The following HDAC4 variants were observed in gnomAD, a reference collection of about 807,000 sequenced individuals.
The protein encoded by HDAC4 is histone deacetylase 4.
HDAC4 carries 16 observed loss-of-function variants against 135.1 expected under a neutral mutation model. The observed-to-expected ratio is 0.12, with a 90% CI of 0.08 to 0.18. HDAC4 has a LOEUF of 0.18. HDAC4 is among the 10% of genes least tolerant of loss of function. The pLI, the probability that HDAC4 is intolerant of heterozygous loss-of-function variation, is 1.00. For synonymous variants in HDAC4, 685 were observed against 653.4 expected, an observed-to-expected ratio of 1.05 and a Z score of -0.74; for missense variants, 1,143 against 1,511.8, an observed-to-expected ratio of 0.76 and a Z score of 4.05.
intron 6 of HDAC4, chr2:239,162,053 C>T (rs1032264964): frequency 5.4e-5 from 24 of 448,426 alleles, no homozygotes; most frequent in African/African-American, 2.0e-4. Context: ...CGCCAGCTCC[C>T]CACCTTCTTC....
chr2:239,098,858 C>T (rs2037357276), intron 16 of HDAC4, among the ~76,000 whole-genome samples: 1 of 152,142 alleles, frequency 6.6e-6, no homozygotes, highest in Non-Finnish European at 1.5e-5. Flanking sequence ...ATTCAAAAAT[C>T]GATCTTGAGT....
chr2:239,135,787 T>C (rs147758719), intron 9 of HDAC4, among the ~76,000 whole-genome samples: 24 of 152,314 alleles, frequency 1.6e-4, no homozygotes, highest in East Asian at 7.7e-4. Context: ...CGGAGGGGCA[T>C]TGCACACCGG....
At chr2:239,261,190 C>T (rs1414603573) in intron 2 of HDAC4, among the ~76,000 whole-genome samples, 3 of 152,154 alleles carry the variant, frequency 2.0e-5, no homozygotes, top group African/African-American at 7.2e-5. Flanking sequence ...GCCCAGCTGG[C>T]CCATTCTGTA....
intron 1 of HDAC4, among the ~76,000 whole-genome samples, chr2:239,390,733 C>T (rs1052953880): frequency 6.6e-6 from 1 of 152,158 alleles, no homozygotes; most frequent in Non-Finnish European, 1.5e-5. Flanking sequence ...CCTCACTTTG[C>T]TACCAGGAGC....
At chr2:239,246,161 T>G (rs1434437403) in intron 2 of HDAC4, among the ~76,000 whole-genome samples, 1 of 152,106 alleles carries the variant, frequency 6.6e-6, no homozygotes, top group African/African-American at 2.4e-5. Context: ...ACGTGCAAAC[T>G]GAGCCCGCTG....
intron 2 of HDAC4, among the ~76,000 whole-genome samples, chr2:239,340,157 AC>A (rs1012810329): frequency 6.6e-6 from 1 of 152,120 alleles, no homozygotes; most frequent in African/African-American, 2.4e-5. Flanking sequence ...ACCCCAGGAC[AC>A]CCCAGCTCTT....
At chr2:239,070,188 T>TTGCCA (rs77381874) in intron 22 of HDAC4, among the ~76,000 whole-genome samples, 15,457 of 152,260 alleles carry the variant, frequency 0.1, 1,003 homozygotes, top group Non-Finnish European at 0.15. Context: ...TTGCCAGCCC[T>TTGCCA]GCTGGGGGAG....
rs140369511 is a variant in HDAC4 at position 239,149,987 on chromosome 2, G to T, written c.734-5273C>A. 1.4e-3 allele frequency among the ~76,000 whole-genome samples: 210 copies of T among 152,324 alleles called. 1 individual carries two copies. Among genetic ancestry groups the T allele is most frequent in the Non-Finnish European group, 2.1e-3 (144 of 68,040 alleles). ...TTTCCTACAGAAATACTAACACAGT[G>T]AGGAAAGGTGCTCAAAGTTGCTGGC... On this transcript the variant is annotated intron_variant, in intron 7 of 26. Transcript: ENST00000543185.
rs761714997 is a variant in HDAC4 at position 239,066,772 on chromosome 2, C to A, written c.2953G>T (p.Ala985Ser). ...CATGCTTCCGAGGCGTCGCAAATGGCGGTCAGGTCGTGGCCTCCCTCGAGG... is the reference window on the plus strand; with the variant it reads ...CATGCTTCCGAGGCGTCGCAAATGGAGGTCAGGTCGTGGCCTCCCTCGAGG... ...LALEGGHDLT[A>S]ICDASEACVS... The change falls in exon 24 of 27, where the codon GCC becomes TCC. Residue 985 changes from alanine to serine, a missense_variant. By Grantham distance (99) the Ala-to-Ser change is moderately conservative. Transcript: ENST00000543185. The A allele has an allele frequency of 6.2e-7, 1 of 1,613,908 alleles. No homozygotes were observed. The highest frequency in any genetic ancestry group is 8.5e-7 in the Non-Finnish European group (1 of 1,180,036).
chr2:239,137,219 G>A (rs1363077718), intron 9 of HDAC4, among the ~76,000 whole-genome samples: 4 of 152,204 alleles, frequency 2.6e-5, no homozygotes, highest in African/African-American at 7.2e-5. Context: ...CTGCTGCCTC[G>A]GGGCCGAGCC....
rs201137238 is a variant in HDAC4, at chr2:239,211,740, G to A, written c.95-21663C>T. On this transcript the variant is annotated intron_variant, in intron 3 of 26. Coordinates refer to ENST00000543185, the MANE Select transcript of HDAC4 (RefSeq NM_001378414.1). ...CTTTGCTTTCACTGAGCTGTCAGAT[G>A]TTCTTAAGCCATATAACATATTCCC... is the stretch of plus-strand genomic sequence containing the variant. Among the ~76,000 whole-genome samples the A allele has an allele frequency of 5.9e-5, 9 of 152,280 alleles. No homozygotes were observed. In the East Asian group the frequency reaches 1.5e-3, roughly 26 times the overall value.
chr2:239,250,478 C>T (rs1046271834), intron 2 of HDAC4, among the ~76,000 whole-genome samples: 6 of 152,362 alleles, frequency 3.9e-5, no homozygotes, highest in South Asian at 2.1e-4. Context: ...GTCAGCTCCA[C>T]GTGCCTTCCT....
intron 1 of HDAC4, among the ~76,000 whole-genome samples, chr2:239,378,804 C>T (rs1695211666): frequency 6.6e-6 from 1 of 152,246 alleles, no homozygotes; most frequent in African/African-American, 2.4e-5. Flanking sequence ...ATCCATGCAT[C>T]TCCTACTCTC....
At position 239,181,351 on chromosome 2, in the gene HDAC4, G is replaced by T. The variant is rs551562735; in HGVS notation, c.340-4788C>A. ...AATGCAGGCTTGCCTTCCAGCAGGGGTGCTGCTCCTGGCAGATGTGTGGGC... is the reference window on the plus strand; with the variant it reads ...AATGCAGGCTTGCCTTCCAGCAGGGTTGCTGCTCCTGGCAGATGTGTGGGC... On this transcript the variant is annotated intron_variant, in intron 4 of 26. Coordinates refer to ENST00000543185, the MANE Select transcript of HDAC4 (RefSeq NM_001378414.1). Among the ~76,000 whole-genome samples the T allele has an allele frequency of 8.5e-5, 13 of 152,338 alleles. No individual in the cohort carries two copies. The South Asian group carries it at 2.1e-3, about 24-fold the overall frequency.
At chr2:239,108,644 T>C (rs1256653013) in intron 14 of HDAC4, among the ~76,000 whole-genome samples, 2 of 152,184 alleles carry the variant, frequency 1.3e-5, no homozygotes, top group Non-Finnish European at 2.9e-5. Context: ...GTAACTCCAG[T>C]TCTGCTGGAC....
At chr2:239,199,417 T>TTC (rs1397731149) in intron 3 of HDAC4, among the ~76,000 whole-genome samples, 1 of 152,126 alleles carries the variant, frequency 6.6e-6, no homozygotes, top group Non-Finnish European at 1.5e-5. Flanking sequence ...GCAGGACCAT[T>TTC]TCTATAACGG....
chr2:239,123,551 G>A (rs2039878891), intron 12 of HDAC4, among the ~76,000 whole-genome samples: 2 of 152,226 alleles, frequency 1.3e-5, no homozygotes, highest in African/African-American at 4.8e-5. Flanking sequence ...GCCCCATGAT[G>A]GCTCACACAC....
chr2:239,395,321 A>G (rs960677273), intron 1 of HDAC4, among the ~76,000 whole-genome samples: 13 of 152,216 alleles, frequency 8.5e-5, no homozygotes, highest in Non-Finnish European at 1.6e-4. Flanking sequence ...AATGAGAGGT[A>G]CAAACCTGCT....
chr2:239,186,445 C>T (rs1349656556), intron 4 of HDAC4: 2 of 152,222 alleles, frequency 1.3e-5, no homozygotes, highest in Non-Finnish European at 2.9e-5. Flanking sequence ...AATGAAACCA[C>T]TATGTAGTTC....
Sources: gnomAD v4.1 joint callset for allele counts (sites outside exome capture counted in the v4.1 genomes callset) on GRCh38, gnomAD v4.1.1 for gene constraint, MANE v1.5 for transcripts, NCBI Gene and HGNC (gene_info 2026-07-23, HGNC 2026-07-21) for gene names.